Variants in NALF1 observed in about 807,000 individuals in gnomAD.
NALF1 encodes the protein family with sequence similarity 155 member A.
NALF1 carries 3 observed loss-of-function variants against 48.4 expected under a neutral mutation model. The ratio of observed to expected loss-of-function variants is 0.06; its 90% confidence interval spans 0.03 to 0.16. The LOEUF (loss-of-function observed/expected upper bound fraction) is 0.16, where lower values mean the gene tolerates loss of function less well. NALF1 is among the 10% of genes least tolerant of loss of function. The pLI is 1.00. For missense variants in NALF1, 526 were observed against 571.5 expected, an observed-to-expected ratio of 0.92 and a Z score of 0.81; for synonymous variants, 262 against 245.7, an observed-to-expected ratio of 1.07 and a Z score of -0.62.
intron 1 of NALF1, among the ~76,000 whole-genome samples, chr13:107,818,668 C>G (rs557233652): frequency 6.7e-6 from 1 of 149,748 alleles, no homozygotes; most frequent in Non-Finnish European, 1.5e-5. Flanking sequence ...GTCAGGAGAT[C>G]GAGACCATCC....
intron 1 of NALF1, among the ~76,000 whole-genome samples, chr13:107,269,676 A>G (rs1484660602): frequency 6.6e-6 from 1 of 152,196 alleles, no homozygotes; most frequent in Non-Finnish European, 1.5e-5. Context: ...CCAAAGATGT[A>G]AAGTCATGAT....
chr13:107,390,351 GAA>G (rs796902886), intron 1 of NALF1, among the ~76,000 whole-genome samples: 3 of 130,412 alleles, frequency 2.3e-5, no homozygotes, highest in Non-Finnish European at 5.0e-5. Flanking sequence ...TCTCAAAAAA[GAA>G]AAAAAAAAAG....
In NALF1 at chr13:107,711,409, C is replaced by T. The variant is rs181623722; in HGVS notation, c.915+154273G>A. On this transcript the variant is annotated intron_variant, in intron 1 of 2. Coordinates refer to ENST00000375915, the MANE Select transcript of NALF1 (RefSeq NM_001080396.3). The stretch of plus-strand genomic sequence containing the variant: ...GGAGTGCAGTGACGCAATCTCAGCT[C>T]ACAGCAACCTCCACCTCCCAGGTTC... 3.2e-4 allele frequency among the ~76,000 whole-genome samples: 49 copies of T among 152,368 alleles called. 1 individual carries two copies. In the East Asian group the frequency reaches 6.9e-3, roughly 22 times the overall value.
chr13:107,378,159 A>G (rs908597598), intron 1 of NALF1, among the ~76,000 whole-genome samples: 2 of 152,162 alleles, frequency 1.3e-5, no homozygotes, highest in Non-Finnish European at 2.9e-5. Context: ...CAGAGTTACA[A>G]TAGTCTTTAT....
intron 2 of NALF1, among the ~76,000 whole-genome samples, chr13:107,209,610 T>C (rs974253030): frequency 5.9e-5 from 9 of 152,156 alleles, no homozygotes; most frequent in Admixed American, 1.3e-4. Flanking sequence ...CGTATGTAAA[T>C]AAGCGATGCT....
intron 1 of NALF1, among the ~76,000 whole-genome samples, chr13:107,803,211 A>G (rs1392634641): frequency 6.6e-6 from 1 of 152,216 alleles, no homozygotes; most frequent in East Asian, 1.9e-4. Flanking sequence ...AAAGAAGCGA[A>G]CAAATGGCCT....
chr13:107,437,843 A>G (rs1884487684), intron 1 of NALF1, among the ~76,000 whole-genome samples: 1 of 152,238 alleles, frequency 6.6e-6, no homozygotes, highest in Non-Finnish European at 1.5e-5. Flanking sequence ...CATTTAATAT[A>G]CATTTTACCT....
chr13:107,404,365 A>G (rs1433302023), intron 1 of NALF1, among the ~76,000 whole-genome samples: 1 of 152,110 alleles, frequency 6.6e-6, no homozygotes, highest in Non-Finnish European at 1.5e-5. Flanking sequence ...CCCGGAATTA[A>G]TGATAGCTTC....
At chr13:107,500,460 G>T (rs1397693436) in intron 1 of NALF1, among the ~76,000 whole-genome samples, 1 of 151,630 alleles carries the variant, frequency 6.6e-6, no homozygotes, top group Non-Finnish European at 1.5e-5. Flanking sequence ...AATAACAGGT[G>T]CTGGAGAGGA....
chr13:107,649,405 T>A (rs1306751573), intron 1 of NALF1, among the ~76,000 whole-genome samples: 1 of 152,226 alleles, frequency 6.6e-6, no homozygotes, highest in African/African-American at 2.4e-5. Context: ...AAAATTTATA[T>A]AATCTTTTTT....
At chr13:107,572,489 A>G (rs763598839) in intron 1 of NALF1, among the ~76,000 whole-genome samples, 2 of 152,152 alleles carry the variant, frequency 1.3e-5, no homozygotes, top group Non-Finnish European at 2.9e-5. Context: ...TGTCACAAAA[A>G]TGGTGGCAGT....
intron 1 of NALF1, among the ~76,000 whole-genome samples, chr13:107,211,730 C>A (rs762652213): frequency 1.3e-5 from 2 of 151,938 alleles, no homozygotes; most frequent in African/African-American, 4.8e-5. Context: ...AACATTTTGC[C>A]GGTTATATTT....
chr13:107,220,421 T>G (rs1461104222), intron 1 of NALF1, among the ~76,000 whole-genome samples: 1 of 152,220 alleles, frequency 6.6e-6, no homozygotes, highest in Admixed American at 6.5e-5. Context: ...ATGCCAGTGA[T>G]TCTATTAGAA....
intron 1 of NALF1, among the ~76,000 whole-genome samples, chr13:107,584,839 G>T (rs1454309934): frequency 1.3e-5 from 2 of 152,064 alleles, no homozygotes; most frequent in African/African-American, 4.8e-5. Context: ...CAGTCCTTCA[G>T]ATTATTTTGC....
intron 1 of NALF1, among the ~76,000 whole-genome samples, chr13:107,251,596 G>C (rs1880702739): frequency 6.6e-6 from 1 of 152,162 alleles, no homozygotes; most frequent in African/African-American, 2.4e-5. Context: ...CTTTGATGTA[G>C]CTTCAAAGAG....
rs137988849 is a variant in NALF1, at chr13:107,530,907, A to G, written c.916-320152T>C. Among the ~76,000 whole-genome samples, 440 of 152,120 alleles carry G rather than the reference A, an allele frequency of 2.9e-3. 2 individuals carry two copies. The highest frequency in any genetic ancestry group is 9.9e-3 in the African/African-American group (412 of 41,556). On this transcript the variant is annotated intron_variant, in intron 1 of 2. Transcript: ENST00000375915. ...GGATTGCCTGAAATGTGAAAAGAAC[A>G]CTGACGATTTTTATTGTGATTTTTA...
intron 1 of NALF1, among the ~76,000 whole-genome samples, chr13:107,393,503 G>A (rs1274007281): frequency 6.6e-6 from 1 of 152,144 alleles, no homozygotes; most frequent in African/African-American, 2.4e-5. Context: ...GAAGCAAAAT[G>A]TCTAGCCTCT....
At chr13:107,259,444 T>A (rs1047778086) in intron 1 of NALF1, among the ~76,000 whole-genome samples, 1 of 151,990 alleles carries the variant, frequency 6.6e-6, no homozygotes, top group Non-Finnish European at 1.5e-5. Flanking sequence ...GCCTCTGGGG[T>A]CTTGCAGATT....
intron 1 of NALF1, among the ~76,000 whole-genome samples, chr13:107,315,886 GAT>G (rs534440329): frequency 1.8e-3 from 260 of 147,004 alleles, no homozygotes; most frequent in East Asian, 0.014. Context: ...ATTTTTTATA[GAT>G]ATATATATAT....
Sources: gnomAD v4.1 joint callset for allele counts (sites outside exome capture counted in the v4.1 genomes callset) on GRCh38, gnomAD v4.1.1 for gene constraint, MANE v1.5 for transcripts, NCBI Gene and HGNC (gene_info 2026-07-23, HGNC 2026-07-21) for gene names.